Variants in CCNF observed in about 807,000 individuals in gnomAD.
The protein encoded by CCNF is cyclin F.
In CCNF, 30 loss-of-function variants were observed where a neutral mutation model predicts 85.4. That is an observed-to-expected ratio of 0.35 (90% CI 0.26 to 0.48). The LOEUF is 0.48. Among genes scored for constraint, CCNF ranks in the 20% least tolerant of loss-of-function variants. CCNF has a pLI of 0.99. For synonymous variants in CCNF, 439 were observed against 425.1 expected (o/e 1.03, Z -0.40); for missense variants, 919 against 1,010.4 (o/e 0.91, Z 1.23).
chr16:2,438,130 C>T lies in CCNF; in HGVS notation c.594+7C>T. On this transcript the variant is annotated splice_region_variant and intron_variant, in intron 6 of 16. Transcript: ENST00000397066. ...AGTGCTGAGTCTGTTCGAGGTGAGT[C>T]AAGTTGTTCTCTGCACTGGGACTTT... 5 of 1,596,614 alleles carry T rather than the reference C, an allele frequency of 3.1e-6. No individual in the cohort carries two copies. Among genetic ancestry groups the T allele is most frequent in the Non-Finnish European group, 4.3e-6 (5 of 1,164,086 alleles).
chr16:2,442,232 C>T (rs2065327428), intron 8 of CCNF, among the ~76,000 whole-genome samples: 1 of 141,666 alleles, frequency 7.1e-6, no homozygotes, highest in African/African-American at 2.6e-5. Context: ...TGGTCTGGAT[C>T]TCCTGACTTC....
chr16:2,450,591 T>C (rs1390691471), intron 13 of CCNF, among the ~76,000 whole-genome samples: 1 of 151,912 alleles, frequency 6.6e-6, no homozygotes, highest in Non-Finnish European at 1.5e-5. Flanking sequence ...CCCAAGCTCA[T>C]TGCACAGGCA....
At position 2,449,808 on chromosome 16, in the gene CCNF, T is replaced by A; in HGVS notation, c.1400-20T>A. ...CCGTCCCCTCCATCCCCTCCACCCC[T>A]GGCCTGCTTTCCTCCCCAGCACAGC... On this transcript the variant is annotated intron_variant, in intron 12 of 16. Coordinates refer to ENST00000397066, the MANE Select transcript of CCNF (RefSeq NM_001761.3). 1.4e-5 allele frequency: 4 copies of A among 288,996 alleles called. No individual in the cohort carries two copies. Among genetic ancestry groups the A allele is most frequent in the Non-Finnish European group, 2.2e-5 (4 of 185,234 alleles). 17.9% of individuals were successfully genotyped at this position (288,996 alleles called of 1,614,324 possible).
chr16:2,431,400 C>T (rs936172404), intron 2 of CCNF, 116 bp downstream of exon 2: 3 of 1,108,124 alleles, frequency 2.7e-6, no homozygotes, highest in African/African-American at 1.6e-5. Context: ...GGGCAGAGGC[C>T]AGGCACGGTG....
Position 2,437,907 on chromosome 16 carries a change from A to AG in CCNF, c.541-163_541-162insG, listed in dbSNP as rs892000789. The AG allele has an allele frequency of 2.8e-4, 154 of 554,764 alleles. 1 individual carries two copies. Among genetic ancestry groups the AG allele is most frequent in the South Asian group, 8.7e-4 (41 of 46,992 alleles). 34.4% of individuals were successfully genotyped at this position (554,764 alleles called of 1,614,324 possible). On this transcript the variant is annotated intron_variant, in intron 5 of 16. Coordinates refer to ENST00000397066, the MANE Select transcript of CCNF (RefSeq NM_001761.3). ...GAGCAAGACCCTGTTTCCCTTTAAAAAAAAAAAAAAAAAAAGACTGAAATC... is the reference window on the plus strand; with the variant it reads ...GAGCAAGACCCTGTTTCCCTTTAAAAGAAAAAAAAAAAAAAAGACTGAAATC...
Position 2,457,154 on chromosome 16 carries a change from C to A in CCNF, c.*134C>A. 1 of 651,758 alleles carries A rather than the reference C, an allele frequency of 1.5e-6. No individual in the cohort carries two copies. The highest frequency in any genetic ancestry group is 2.6e-6 in the Non-Finnish European group (1 of 389,638). The allele number at this position is 651,758 out of a possible 1,614,324, so 40.4% of individuals were successfully genotyped here. On this transcript the variant is annotated 3_prime_UTR_variant, in exon 17 of 17. Transcript: ENST00000397066. ...AGCAGAGAGGATGACTTGCGGCCAC[C>A]AAGTTTCTGTCTCCGCGGGAGTCCC...
rs1014943456 is a variant in CCNF at position 2,457,644 on chromosome 16, A to T, written c.*624A>T. On this transcript the variant is annotated 3_prime_UTR_variant, in exon 17 of 17. Coordinates refer to ENST00000397066, the MANE Select transcript of CCNF (RefSeq NM_001761.3). ...GTGACTCGTTTTAGAGCTCTGTCCC[A>T]GAGGCGTTCGTATGTGACCCACAGA... The T allele has an allele frequency of 6.6e-6, 1 of 152,362 alleles. No individual in the cohort carries two copies. The highest frequency in any genetic ancestry group is 2.4e-5 in the African/African-American group (1 of 41,474). The allele number at this position is 152,362 out of a possible 1,614,324, so 9.4% of individuals were successfully genotyped here.
chr16:2,441,125 G>A (rs191718527), intron 8 of CCNF, among the ~76,000 whole-genome samples: 7 of 152,046 alleles, frequency 4.6e-5, no homozygotes, highest in East Asian at 1.9e-4. Flanking sequence ...TCCCAGCTAC[G>A]CGGGAGGCTG....
chr16:2,435,045 A>T (rs1383036367), intron 3 of CCNF, among the ~76,000 whole-genome samples: 1 of 151,772 alleles, frequency 6.6e-6, no homozygotes, highest in African/African-American at 2.4e-5. Context: ...ATGAGATCAG[A>T]TCGAGACCAT....
intron 16 of CCNF, among the ~76,000 whole-genome samples, chr16:2,455,782 G>C (rs1355843646): frequency 6.6e-6 from 1 of 152,200 alleles, no homozygotes; most frequent in Middle Eastern, 3.2e-3. Flanking sequence ...CACCACACAG[G>C]GATGAGAGGA....
Position 2,448,847 on chromosome 16 carries a change from C to A in CCNF, c.1095-8C>A. ...GCTCCACCCTGAGACCCCTTCTCGG[C>A]GTTGCAGGTTTATCAGTAAAGAGAT... On this transcript the variant is annotated splice_region_variant and splice_polypyrimidine_tract_variant and intron_variant, in intron 10 of 16. Coordinates refer to ENST00000397066, the MANE Select transcript of CCNF (RefSeq NM_001761.3). 1 of 1,613,542 alleles carries A rather than the reference C, an allele frequency of 6.2e-7. No homozygotes were observed. The highest frequency in any genetic ancestry group is 8.5e-7 in the Non-Finnish European group (1 of 1,179,532).
chr16:2,438,468 C>T lies in CCNF; in HGVS notation c.594+345C>T, dbSNP rs544089121. On this transcript the variant is annotated intron_variant, in intron 6 of 16. Transcript: ENST00000397066. ...CTGCCTGGCCAAAATGGTGAAACCA[C>T]GTCTTTACTAAAAAACACAAAAATT... 6.6e-5 allele frequency among the ~76,000 whole-genome samples: 10 copies of T among 152,214 alleles called. No homozygotes were observed. In the South Asian group the frequency reaches 1.0e-3, roughly 16 times the overall value.
chr16:2,456,843 G>A lies in CCNF; in HGVS notation c.2184G>A (p.Leu728=), dbSNP rs1344280605. 1.2e-6 allele frequency: 2 copies of A among 1,614,030 alleles called. No individual in the cohort carries two copies. Among genetic ancestry groups the A allele is most frequent in the South Asian group, 1.1e-5 (1 of 91,078 alleles). The change falls in exon 17 of 17, where the codon CTG becomes CTA. Residue 728 remains leucine, a synonymous_variant. Coordinates refer to ENST00000397066, the MANE Select transcript of CCNF (RefSeq NM_001761.3). This position sits in a 1 kb window ranked among gnomAD's most constrained non-coding sequence, Gnocchi z 4.5. ...CCCTGCCCCAACCTACCTCAGTGCTGTCCCTGGACAGTGACTCGCACACAC... is the reference window on the plus strand; with the variant it reads ...CCCTGCCCCAACCTACCTCAGTGCTATCCCTGGACAGTGACTCGCACACAC... The part of the protein sequence containing the change: ...LGALPQPTSV[L]SLDSDSHTQP...
chr16:2,445,572 GC>G lies in CCNF; in HGVS notation c.1045del (p.Arg349GlyfsTer24). The G allele has an allele frequency of 6.2e-7, 1 of 1,613,822 alleles. No individual in the cohort carries two copies. Among genetic ancestry groups the G allele is most frequent in the African/African-American group, 1.3e-5 (1 of 75,030 alleles). ...GGTACCTGCGGAGGAGGCTGGTGCC[GC>G]GGTACAGGCTCCAGCTGCTGGGCAT... ...DRYLRRRLVP[R>X]YRLQLLGIAC... On this transcript the variant is annotated frameshift_variant, in exon 10 of 17. Transcript: ENST00000397066. LOFTEE classifies it high-confidence loss of function.
chr16:2,441,299 G>A (rs548743331), intron 8 of CCNF, among the ~76,000 whole-genome samples: 2 of 152,276 alleles, frequency 1.3e-5, no homozygotes, highest in East Asian at 3.9e-4. Flanking sequence ...AGGAGGCTGA[G>A]GCAGGAGGAT....
chr16:2,436,321 C>G (rs932858959), intron 4 of CCNF: 1 of 154,408 alleles, frequency 6.5e-6, no homozygotes, highest in African/African-American at 2.4e-5. Flanking sequence ...TAGAACTGGC[C>G]TGGTGCCTGG....
chr16:2,439,299 A>G, intron 6 of CCNF, 54 bp from the exon 7 acceptor site: 1 of 1,449,114 alleles, frequency 6.9e-7, no homozygotes, highest in Admixed American at 2.1e-5. Flanking sequence ...TGTCTCAAAA[A>G]ATAAAAATGA....
In CCNF at chr16:2,451,242, G is replaced by T. The variant is rs915050382; in HGVS notation, c.1487+1327G>T. 6.6e-6 allele frequency among the ~76,000 whole-genome samples: 1 copy of T among 152,216 alleles called. No individual in the cohort carries two copies. The highest frequency in any genetic ancestry group is 1.5e-5 in the Non-Finnish European group (1 of 68,034). On this transcript the variant is annotated intron_variant, in intron 13 of 16. Transcript: ENST00000397066. The surrounding 1 kb of genome is among the most constrained non-coding windows in gnomAD (Gnocchi z 4.3). ...GGCAGGCGCGCGGGGCAGGTGGCGC[G>T]GGCGGGGGCGACTCCCTTCAGGGAG...
rs748191075 is a variant in CCNF at position 2,431,226 on chromosome 16, A to C, written c.113A>C (p.Asp38Ala). The C allele has an allele frequency of 6.2e-7, 1 of 1,614,154 alleles. No individual in the cohort carries two copies. Among genetic ancestry groups the C allele is most frequent in the Admixed American group, 1.7e-5 (1 of 60,016 alleles). ...RNLTILSLPE[D>A]VLFHILKWLS... ...CTGACCATCTTGAGTCTCCCCGAAGATGTGCTCTTTCACATCCTGAAATGG... is the reference window on the plus strand; with the variant it reads ...CTGACCATCTTGAGTCTCCCCGAAGCTGTGCTCTTTCACATCCTGAAATGG... Residue 38 changes from aspartate to alanine, a missense_variant, in exon 2 of 17, where the codon GAT (aspartate) becomes GCT (alanine). Asp to Ala is a moderately radical substitution (Grantham distance 126). Coordinates refer to ENST00000397066, the MANE Select transcript of CCNF (RefSeq NM_001761.3).
Sources: allele counts gnomAD v4.1 joint callset (sites outside exome capture counted in the v4.1 genomes callset), GRCh38; gene constraint gnomAD v4.1.1; non-coding constraint Gnocchi (gnomAD v3.1); transcripts MANE v1.5; gene names NCBI Gene and HGNC (gene_info 2026-07-23, HGNC 2026-07-21).